ANKS3: variants seen among roughly 807,000 people sequenced by gnomAD.
ANKS3 encodes ankyrin repeat and sterile alpha motif domain containing 3.
In ANKS3, 62 loss-of-function variants were observed where a neutral mutation model predicts 80.7. The ratio of observed to expected loss-of-function variants is 0.77; its 90% CI spans 0.63 to 0.95. ANKS3 has a LOEUF of 0.95. ANKS3 is among the 40% of genes least tolerant of loss of function. The pLI, the probability that ANKS3 is intolerant of heterozygous loss-of-function variation, is 0.00. For missense variants in ANKS3, 1,150 were observed against 883.6 expected, an observed-to-expected ratio of 1.30 and a Z score of -3.82; for synonymous variants, 489 against 355.3, an observed-to-expected ratio of 1.38 and a Z score of -4.23.
At chr16:4,707,470 C>G (rs964243593) in intron 7 of ANKS3, among the ~76,000 whole-genome samples, 3 of 151,916 alleles carry the variant, frequency 2.0e-5, no homozygotes, top group Non-Finnish European at 4.4e-5. Flanking sequence ...TGAGTAGAGA[C>G]AAGGTTTCAC....
chr16:4,710,576 G>C (rs939606417), intron 7 of ANKS3, among the ~76,000 whole-genome samples: 1 of 152,050 alleles, frequency 6.6e-6, no homozygotes. Flanking sequence ...GGGCGTGGTA[G>C]GGTGCACCTA....
intron 7 of ANKS3, among the ~76,000 whole-genome samples, chr16:4,713,803 G>C (rs1298045355): frequency 6.6e-6 from 1 of 152,244 alleles, no homozygotes; most frequent in Non-Finnish European, 1.5e-5. Context: ...CTACTCGGTA[G>C]TCAAGCATAC....
chr16:4,701,588 G>A (rs764102481), intron 9 of ANKS3, 45 bp from the exon 10 acceptor site: 2 of 1,558,266 alleles, frequency 1.3e-6, no homozygotes, highest in African/African-American at 1.4e-5. Context: ...CCTCACCGAG[G>A]TGCTGCGCAT....
At chr16:4,726,606 G>A in intron 5 of ANKS3, 53 bp downstream of exon 5, 1 of 1,583,292 alleles carries the variant, frequency 6.3e-7, no homozygotes, top group Non-Finnish European at 8.6e-7. Context: ...ACCCTCCTTA[G>A]AGTCAGATGA....
chr16:4,697,149 G>A (rs771041985), intron 16 of ANKS3, 45 bp from the exon 17 acceptor site: 12 of 1,601,596 alleles, frequency 7.5e-6, no homozygotes, highest in South Asian at 2.2e-5. Flanking sequence ...GGCTCAGGAG[G>A]GCTGGGTGGT....
At chr16:4,719,468 G>C (rs1320787492) in intron 6 of ANKS3, among the ~76,000 whole-genome samples, 7 of 152,108 alleles carry the variant, frequency 4.6e-5, no homozygotes, top group African/African-American at 7.2e-5. Context: ...TCTATGATGT[G>C]TCTTAAGGAA....
At position 4,697,870 on chromosome 16, in the gene ANKS3, A is replaced by G. The variant is rs948124873; in HGVS notation, c.1810+107T>C. 21 of 1,058,056 alleles carry G rather than the reference A, an allele frequency of 2.0e-5. No individual in the cohort carries two copies. In the Admixed American group the frequency reaches 6.6e-4, roughly 33 times the overall value. The allele number at this position is 1,058,056 out of a possible 1,614,324, so 65.5% of individuals were successfully genotyped here. ...TCATGTGCACACAGGGACCTGGGAG[A>G]GTGGCTGCCGGCCGGAGAACCAGGC... On this transcript the variant is annotated intron_variant, in intron 15 of 17. Transcript: ENST00000304283.
intron 7 of ANKS3, among the ~76,000 whole-genome samples, chr16:4,707,131 A>C (rs1354503109): frequency 6.6e-6 from 1 of 152,178 alleles, no homozygotes; most frequent in Non-Finnish European, 1.5e-5. Flanking sequence ...AAGCAAGGGA[A>C]CGGCAGCTGC....
Position 4,724,771 on chromosome 16 carries a change from G to C in ANKS3, c.552C>G (p.Ile184Met). The C allele has an allele frequency of 6.2e-7, 1 of 1,613,864 alleles. No homozygotes were observed. Among genetic ancestry groups the C allele is most frequent in the African/African-American group, 1.3e-5 (1 of 75,024 alleles). Residue 184 changes from isoleucine (I) to methionine (M), a missense_variant, in exon 6 of 18, where the codon ATC (isoleucine) becomes ATG (methionine). Physicochemically the swap from Ile to Met is conservative, Grantham distance 10. Coordinates refer to ENST00000304283, the MANE Select transcript of ANKS3 (RefSeq NM_133450.4). ...MEAAAAGHEI[I>M]VQYFLNHGVK... Reference sequence around the variant, plus strand: ...TTACGTGATTCAGAAAATACTGCACGATTATCTCATGGCCAGCAGCAGCTG... The same window carrying C: ...TTACGTGATTCAGAAAATACTGCACCATTATCTCATGGCCAGCAGCAGCTG...
Position 4,702,187 on chromosome 16 carries a change from CA to C in ANKS3, c.923del (p.Leu308ArgfsTer84). ...CCCGGCAGCAGAGGCCCTCTTCTTC[CA>C]GGGGGTTCTCGCCACTGCTGTTGAA... ...VTFNSSGENPLEEEGLCCRDV... is the reference protein window; with the variant it reads ...VTFNSSGENPXEEEGLCCRDV... On this transcript the variant is annotated frameshift_variant, in exon 9 of 18. Coordinates refer to ENST00000304283, the MANE Select transcript of ANKS3 (RefSeq NM_133450.4). LOFTEE classifies it high-confidence loss of function. 6.3e-7 allele frequency: 1 copy of C among 1,594,598 alleles called. No individual in the cohort carries two copies. The highest frequency in any genetic ancestry group is 8.5e-7 in the Non-Finnish European group (1 of 1,170,872).
At chr16:4,707,851 C>G in intron 7 of ANKS3, among the ~76,000 whole-genome samples, 1 of 152,152 alleles carries the variant, frequency 6.6e-6, no homozygotes, top group South Asian at 2.1e-4. Flanking sequence ...TGGCTCACGC[C>G]TGTAATCCCA....
chr16:4,697,358 G>A lies in ANKS3; in HGVS notation c.1869C>T (p.Ala623=), dbSNP rs374766473. 3.0e-5 allele frequency: 49 copies of A among 1,609,482 alleles called. No individual in the cohort carries two copies. In the African/African-American group the frequency reaches 5.9e-4, roughly 19 times the overall value. ...CCATCTCACGGACACGGTCCTCCAG[G>A]GCTCCCGAGAGCTCGGGGAGGCTCA... The part of the protein sequence containing the change: ...QAMSLPELSG[A]LEDRVREMGQ... The change falls in exon 16 of 18, where the codon GCC becomes GCT. Residue 623 remains alanine, a synonymous_variant. Coordinates refer to ENST00000304283, the MANE Select transcript of ANKS3 (RefSeq NM_133450.4).
chr16:4,732,217 T>G (rs921902734), intron 1 of ANKS3, among the ~76,000 whole-genome samples: 3 of 152,020 alleles, frequency 2.0e-5, no homozygotes, highest in Non-Finnish European at 2.9e-5. Context: ...TGCCCTTCCC[T>G]CACTTTGCAG....
intron 8 of ANKS3, among the ~76,000 whole-genome samples, chr16:4,703,703 G>A (rs1284396212): frequency 1.3e-5 from 2 of 152,090 alleles, no homozygotes; most frequent in Admixed American, 6.6e-5. Context: ...GAGCCACTGC[G>A]CCCGGCCCCA....
In ANKS3 at chr16:4,730,027, T is replaced by C. The variant is rs776296896; in HGVS notation, c.123A>G (p.Thr41=). 1.9e-6 allele frequency: 3 copies of C among 1,581,876 alleles called. No individual in the cohort carries two copies. In the South Asian group the frequency reaches 3.4e-5, roughly 18 times the overall value. Residue 41 remains threonine (T), a synonymous_variant, in exon 3 of 18, where the codon ACA becomes ACG. Coordinates refer to ENST00000304283, the MANE Select transcript of ANKS3 (RefSeq NM_133450.4). ...EELDVPLDLH[T]AASIGQYEVV... ...CTTCATACTGGCCAATGGAAGCAGC[T>C]GTGTGAAGATCCAGGGGGACATCCA...
chr16:4,709,923 A>C (rs1278279100), intron 7 of ANKS3, among the ~76,000 whole-genome samples: 1 of 152,204 alleles, frequency 6.6e-6, no homozygotes, highest in Non-Finnish European at 1.5e-5. Flanking sequence ...AGATAGGAGG[A>C]TCACTTGAGC....
Position 4,696,878 on chromosome 16 carries a change from A to G in ANKS3, c.*30T>C. On this transcript the variant is annotated 3_prime_UTR_variant, in exon 18 of 18. Coordinates refer to ENST00000304283, the MANE Select transcript of ANKS3 (RefSeq NM_133450.4). ...CTGGCACACAGCTTCAGGGTGGACC[A>G]ATCACCCAACGTCAGATTCTGAAAG... 1.3e-6 allele frequency: 1 copy of G among 780,826 alleles called. No homozygotes were observed. 48.4% of individuals were successfully genotyped at this position (780,826 alleles called of 1,614,324 possible). A position where few individuals can be genotyped will look rare whatever the true frequency, so the allele number is the denominator to read the frequency against.
At chr16:4,726,116 C>T (rs2081338686) in intron 5 of ANKS3, among the ~76,000 whole-genome samples, 1 of 151,950 alleles carries the variant, frequency 6.6e-6, no homozygotes, top group Admixed American at 6.6e-5. Flanking sequence ...GCTGGGACTA[C>T]AGGCGCCCGT....
At chr16:4,705,043 A>C in intron 8 of ANKS3, 52 bp downstream of exon 8, 1 of 1,593,204 alleles carries the variant, frequency 6.3e-7, no homozygotes, top group Admixed American at 1.7e-5. Flanking sequence ...TTGCCAACAC[A>C]AAATCCTGGT....
Sources: gnomAD v4.1 joint callset for allele counts (sites outside exome capture counted in the v4.1 genomes callset) on GRCh38, gnomAD v4.1.1 for gene constraint, MANE v1.5 for transcripts, NCBI Gene and HGNC (gene_info 2026-07-23, HGNC 2026-07-21) for gene names.